The following PCTP variants were observed in gnomAD, a reference collection of about 807,000 sequenced individuals.
PCTP encodes phosphatidylcholine transfer protein.
PCTP carries 27 observed loss-of-function variants against 31.0 expected under a neutral mutation model. That is an observed-to-expected ratio of 0.87 (90% confidence interval 0.64 to 1.20). The LOEUF is 1.20. Among genes scored for constraint, PCTP ranks in the 50% most tolerant of loss-of-function variants. The pLI, the probability that PCTP is intolerant of heterozygous loss-of-function variation, is 0.00. For missense variants in PCTP, 287 were observed against 268.2 expected (o/e 1.07, Z -0.49); for synonymous variants, 108 against 101.2 (o/e 1.07, Z -0.40).
At chr17:55,761,002 T>C (rs968857581) in intron 1 of PCTP, among the ~76,000 whole-genome samples, 3 of 152,188 alleles carry the variant, frequency 2.0e-5, no homozygotes, top group Non-Finnish European at 2.9e-5. Context: ...GGAACAATGA[T>C]TTGGGAATGA....
intron 3 of PCTP, among the ~76,000 whole-genome samples, chr17:55,808,957 A>G (rs1464240807): frequency 1.3e-5 from 2 of 152,178 alleles, no homozygotes; most frequent in African/African-American, 2.4e-5. Context: ...ATTTCTCCTC[A>G]ATATCTGGTG....
intron 3 of PCTP, among the ~76,000 whole-genome samples, chr17:55,803,459 A>G (rs1251230089): frequency 6.6e-6 from 1 of 152,232 alleles, no homozygotes; most frequent in African/African-American, 2.4e-5. Flanking sequence ...ACTTCAAACT[A>G]TACTACAAGA....
intron 3 of PCTP, among the ~76,000 whole-genome samples, chr17:55,820,114 G>A (rs1913067697): frequency 6.6e-6 from 1 of 152,130 alleles, no homozygotes; most frequent in Non-Finnish European, 1.5e-5. Context: ...TGCCAATAAT[G>A]TCTTAGATCT....
chr17:55,841,972 G>A (rs957543244), intron 5 of PCTP, among the ~76,000 whole-genome samples: 1 of 151,826 alleles, frequency 6.6e-6, no homozygotes, highest in Non-Finnish European at 1.5e-5. Context: ...TATAGATTGA[G>A]TATGTGTGTA....
chr17:55,778,943 C>G (rs777202876), downstream of PCTP, among the ~76,000 whole-genome samples: 1 of 152,158 alleles, frequency 6.6e-6, no homozygotes, highest in Non-Finnish European at 1.5e-5. Flanking sequence ...TATTTCACAG[C>G]AAGAGTCCTG....
At chr17:55,797,643 A>G (rs577286542) in intron 3 of PCTP, among the ~76,000 whole-genome samples, 114 of 152,132 alleles carry the variant, frequency 7.5e-4, no homozygotes, top group African/African-American at 2.5e-3. Flanking sequence ...GTTGTCTACA[A>G]CTACAGAAAA....
chr17:55,823,035 C>G lies in PCTP; in HGVS notation c.*151C>G, dbSNP rs116939143. The G allele has an allele frequency of 1.5e-3, 501 of 342,112 alleles. 1 individual carries two copies. The highest frequency in any genetic ancestry group is 2.2e-3 in the Non-Finnish European group (414 of 192,172). The allele number at this position is 342,112 out of a possible 1,614,324, so 21.2% of individuals were successfully genotyped here. A position where few individuals can be genotyped will look rare whatever the true frequency, so the allele number is the denominator to read the frequency against. Reference sequence around the variant, plus strand: ...CACATATTATTCACAGATGTGTTCACTATCATCTATGTACTGGAAAGATAG... The same window carrying G: ...CACATATTATTCACAGATGTGTTCAGTATCATCTATGTACTGGAAAGATAG... On this transcript the variant is annotated 3_prime_UTR_variant, in exon 4 of 4. Transcript: ENST00000572536.
chr17:55,800,038 A>G (rs1263159522), intron 3 of PCTP, among the ~76,000 whole-genome samples: 1 of 151,908 alleles, frequency 6.6e-6, no homozygotes, highest in Non-Finnish European at 1.5e-5. Flanking sequence ...GGTGAATCTG[A>G]TGATTATATG....
At chr17:55,771,660 C>T (rs1315334450) in intron 3 of PCTP, among the ~76,000 whole-genome samples, 3 of 152,178 alleles carry the variant, frequency 2.0e-5, no homozygotes, top group Non-Finnish European at 4.4e-5. Flanking sequence ...TCAGTAGACC[C>T]CACAGAAATC....
At chr17:55,827,378 C>T (rs1328231759), downstream of PCTP, among the ~76,000 whole-genome samples, 2 of 152,350 alleles carry the variant, frequency 1.3e-5, no homozygotes, top group Non-Finnish European at 2.9e-5. Context: ...CAGCCTCCTG[C>T]CACTGACCAC....
At chr17:55,771,461 T>G (rs2144959787) in intron 3 of PCTP, among the ~76,000 whole-genome samples, 1 of 152,302 alleles carries the variant, frequency 6.6e-6, no homozygotes, top group South Asian at 2.1e-4. Context: ...GCCTTGAAAT[T>G]GTCAGGCCAC....
intron 3 of PCTP, among the ~76,000 whole-genome samples, chr17:55,800,227 G>C (rs995947821): frequency 6.6e-6 from 1 of 151,866 alleles, no homozygotes; most frequent in Non-Finnish European, 1.5e-5. Context: ...ATGGGGGTTT[G>C]GTCTTTTCAC....
At chr17:55,823,084 A>T (rs1235075431) in exon 4 of PCTP, 1 of 261,166 alleles carries the variant, frequency 3.8e-6, no homozygotes, top group Non-Finnish European at 7.2e-6. Context: ...GGACAAAATT[A>T]CCTGCCCTCT....
At chr17:55,774,747 T>TGG in intron 4 of PCTP, 45 bp from the exon 5 acceptor site, 1 of 1,469,592 alleles carries the variant, frequency 6.8e-7, no homozygotes, top group South Asian at 1.1e-5. Context: ...TATATTTTTC[T>TGG]GGTATTTTTC....
At chr17:55,797,530 T>C (rs1259454237) in intron 3 of PCTP, among the ~76,000 whole-genome samples, 3 of 151,982 alleles carry the variant, frequency 2.0e-5, no homozygotes, top group Non-Finnish European at 2.9e-5. Flanking sequence ...AAATGAGGCA[T>C]GTATGGCACA....
At position 55,773,868 on chromosome 17, in the gene PCTP, G is replaced by A. The variant is rs1469342602; in HGVS notation, c.484G>A (p.Glu162Lys). Residue 162 changes from glutamate to lysine, a missense_variant, in exon 4 of 6, where the codon GAG (glutamate) becomes AAG (lysine). By Grantham distance (56) the Glu-to-Lys change is moderately conservative (BLOSUM62 1). Coordinates refer to ENST00000268896, the MANE Select transcript of PCTP (RefSeq NM_021213.4). ...GCAATACAAGCAGAGCCTGGCGATCGAGAGTGACGGCAAGAAGGGGAGCAA... is the reference window on the plus strand; with the variant it reads ...GCAATACAAGCAGAGCCTGGCGATCAAGAGTGACGGCAAGAAGGGGAGCAA... ...VKQYKQSLAI[E>K]SDGKKGSKVF... 2 of 1,608,886 alleles carry A rather than the reference G, an allele frequency of 1.2e-6. No individual in the cohort carries two copies. The highest frequency in any genetic ancestry group is 2.7e-5 in the African/African-American group (2 of 74,790).
At chr17:55,752,313 C>T (rs1467306850) in intron 1 of PCTP, among the ~76,000 whole-genome samples, 1 of 152,194 alleles carries the variant, frequency 6.6e-6, no homozygotes, top group Non-Finnish European at 1.5e-5. Context: ...CTCTGCCTGT[C>T]TCATTGCAGG....
chr17:55,827,682 A>G (rs969563826), downstream of PCTP, among the ~76,000 whole-genome samples: 9 of 152,240 alleles, frequency 5.9e-5, no homozygotes, highest in African/African-American at 2.2e-4. Flanking sequence ...CACTGGGATC[A>G]GGGGTTAGAG....
chr17:55,774,700 T>G, intron 4 of PCTP, 92 bp from the exon 5 acceptor site: 1 of 1,044,068 alleles, frequency 9.6e-7, no homozygotes, highest in Non-Finnish European at 1.5e-6. Context: ...TTTCTGAGCT[T>G]GAATATGAAG....
Sources: allele counts gnomAD v4.1 joint callset (sites outside exome capture counted in the v4.1 genomes callset), GRCh38; gene constraint gnomAD v4.1.1; transcripts MANE v1.5; gene names NCBI Gene and HGNC (gene_info 2026-07-23, HGNC 2026-07-21).